The following TRAM2 variants were observed in gnomAD, a reference collection of about 807,000 sequenced individuals.
TRAM2 encodes translocation associated membrane protein 2.
A neutral mutation model predicts 51.0 loss-of-function variants in TRAM2; 12 were observed. The observed-to-expected ratio is 0.24, with a 90% confidence interval of 0.15 to 0.38. The LOEUF is 0.38. Ranked by LOEUF, TRAM2 falls within the 10% of genes least tolerant of loss-of-function variation. The pLI, the probability that TRAM2 is intolerant of heterozygous loss-of-function variation, is 1.00. For synonymous variants in TRAM2, 175 were observed against 179.4 expected (o/e 0.98, Z 0.20); for missense variants, 361 against 462.0 (o/e 0.78, Z 2.00).
At chr6:52,566,972 T>A (rs1171898593) in intron 1 of TRAM2, among the ~76,000 whole-genome samples, 2 of 152,230 alleles carry the variant, frequency 1.3e-5, no homozygotes, top group Admixed American at 6.5e-5. Context: ...ATCTCCCTTA[T>A]GAGATGGTAA....
At chr6:52,514,731 G>A (rs953699192) in intron 4 of TRAM2, among the ~76,000 whole-genome samples, 4 of 152,224 alleles carry the variant, frequency 2.6e-5, no homozygotes, top group African/African-American at 4.8e-5. Flanking sequence ...CTCCTGAACG[G>A]CGTCTTTGGT....
At position 52,571,057 on chromosome 6, in the gene TRAM2, A is replaced by T. The variant is rs112638824; in HGVS notation, c.120+5739T>A. Among the ~76,000 whole-genome samples the T allele has an allele frequency of 4.0e-5, 6 of 151,868 alleles. No individual in the cohort carries two copies. The South Asian group carries it at 1.2e-3, about 32-fold the overall frequency. On this transcript the variant is annotated intron_variant, in intron 1 of 10. Transcript: ENST00000182527. ...AGGGCTGTTCAGGAACCATGTTAGT[A>T]CTTTTACTGTTTCCCCCCCACCCCT...
chr6:52,576,909 A>G lies in TRAM2; in HGVS notation c.7T>C (p.Phe3Leu). The G allele has an allele frequency of 6.2e-7, 1 of 1,612,094 alleles. No individual in the cohort carries two copies. Among genetic ancestry groups the G allele is most frequent in the Non-Finnish European group, 8.5e-7 (1 of 1,179,182 alleles). Residue 3 changes from phenylalanine to leucine, a missense_variant, in exon 1 of 11, where the codon TTC becomes CTC. Physicochemically the swap from Phe to Leu is conservative, Grantham distance 22 (BLOSUM62 0). Coordinates refer to ENST00000182527, the MANE Select transcript of TRAM2 (RefSeq NM_012288.4). The part of the protein sequence containing the change: MA[F>L]RRRTKSYPLF... ...GGGTAACTTTTCGTCCTCCTGCGGA[A>G]AGCCATGGCAGCGGGCGCGCAGCGG...
chr6:52,550,709 AC>A (rs1482151199), intron 1 of TRAM2, among the ~76,000 whole-genome samples: 2 of 151,776 alleles, frequency 1.3e-5, no homozygotes, highest in Non-Finnish European at 1.5e-5. Flanking sequence ...GCACCACCAC[AC>A]CCGGCTAATT....
At chr6:52,521,538 C>CA (rs1299038017) in intron 2 of TRAM2, among the ~76,000 whole-genome samples, 3 of 149,414 alleles carry the variant, frequency 2.0e-5, no homozygotes, top group Non-Finnish European at 3.0e-5. Flanking sequence ...ACTAAAAATA[C>CA]AAAAAAAAAT....
chr6:52,560,281 T>C (rs2114103320), intron 1 of TRAM2, among the ~76,000 whole-genome samples: 1 of 151,558 alleles, frequency 6.6e-6, no homozygotes, highest in Non-Finnish European at 1.5e-5. Context: ...GAGAAACATA[T>C]AAAGTTGAAA....
chr6:52,509,753 T>C (rs1766420316), intron 4 of TRAM2, among the ~76,000 whole-genome samples, 167 bp from the exon 5 acceptor site: 2 of 152,096 alleles, frequency 1.3e-5, no homozygotes, highest in African/African-American at 4.8e-5. Flanking sequence ...CCCCTGGCGC[T>C]TGGCTGGTTT....
At chr6:52,571,787 C>G (rs1562491408) in intron 1 of TRAM2, among the ~76,000 whole-genome samples, 1 of 152,176 alleles carries the variant, frequency 6.6e-6, no homozygotes, top group Non-Finnish European at 1.5e-5. Context: ...TGAAATACAG[C>G]CAAGATGCTC....
intron 1 of TRAM2, among the ~76,000 whole-genome samples, chr6:52,565,653 T>C (rs1187624279): frequency 6.6e-6 from 1 of 152,228 alleles, no homozygotes; most frequent in Non-Finnish European, 1.5e-5. Flanking sequence ...CAGCACACAA[T>C]GGATCCACCA....
At chr6:52,564,022 C>T (rs1033417258) in intron 1 of TRAM2, among the ~76,000 whole-genome samples, 1 of 151,988 alleles carries the variant, frequency 6.6e-6, no homozygotes, top group Non-Finnish European at 1.5e-5. Flanking sequence ...TACCCGAGAA[C>T]CCAAAAGAGA....
chr6:52,557,981 A>G (rs1767438061), intron 1 of TRAM2, among the ~76,000 whole-genome samples: 1 of 152,184 alleles, frequency 6.6e-6, no homozygotes, highest in African/African-American at 2.4e-5. Flanking sequence ...GCTGAAGGAC[A>G]GTATATTTAG....
rs909163536 is a variant in TRAM2 at position 52,500,914 on chromosome 6, G to A, written c.*2283C>T. 6.6e-6 allele frequency: 1 copy of A among 152,266 alleles called. No homozygotes were observed. Among genetic ancestry groups the A allele is most frequent in the African/African-American group, 2.4e-5 (1 of 41,452 alleles). The allele number at this position is 152,266 out of a possible 1,614,324, so 9.4% of individuals were successfully genotyped here. A position where few individuals can be genotyped will look rare whatever the true frequency, so the allele number is the denominator to read the frequency against. On this transcript the variant is annotated 3_prime_UTR_variant, in exon 11 of 11. Transcript: ENST00000182527. ...CTGAGAGAGGCCTCCTGCATGTGAA[G>A]CCCTGCCAATGACACAGCCTGGAGA...
At chr6:52,521,917 G>A (rs1766684061) in intron 2 of TRAM2, among the ~76,000 whole-genome samples, 1 of 152,220 alleles carries the variant, frequency 6.6e-6, no homozygotes, top group South Asian at 2.1e-4. Context: ...TCTGGCCTAT[G>A]AGGCCAGAGA....
intron 1 of TRAM2, among the ~76,000 whole-genome samples, chr6:52,545,681 G>A (rs1481212848): frequency 6.7e-6 from 1 of 149,604 alleles, no homozygotes; most frequent in Non-Finnish European, 1.5e-5. Context: ...GCAGCTGGAA[G>A]AACCAACCCC....
Position 52,503,007 on chromosome 6 carries a change from G to A in TRAM2, c.*190C>T. 1 of 625,826 alleles carries A rather than the reference G, an allele frequency of 1.6e-6. No homozygotes were observed. Among genetic ancestry groups the A allele is most frequent in the Non-Finnish European group, 2.8e-6 (1 of 352,870 alleles). The allele number at this position is 625,826 out of a possible 1,614,324, so 38.8% of individuals were successfully genotyped here. On this transcript the variant is annotated 3_prime_UTR_variant, in exon 11 of 11. Transcript: ENST00000182527. Reference sequence around the variant, plus strand: ...AAAGATTTTTGGCTTTATTGAGAATGGTTTGTGGAAGAATAAGAGGAAGCC... The same window carrying A: ...AAAGATTTTTGGCTTTATTGAGAATAGTTTGTGGAAGAATAAGAGGAAGCC...
intron 1 of TRAM2, 82 bp downstream of exon 1, chr6:52,576,714 G>A (rs895791549): frequency 2.0e-6 from 3 of 1,528,120 alleles, no homozygotes; most frequent in Non-Finnish European, 2.7e-6. Flanking sequence ...TCAGAGGAGG[G>A]CCCGCTGACC....
intron 1 of TRAM2, among the ~76,000 whole-genome samples, chr6:52,571,076 C>G (rs190741306): frequency 3.3e-5 from 5 of 151,938 alleles, no homozygotes; most frequent in African/African-American, 4.8e-5. Context: ...GTTTCCCCCC[C>G]ACCCCTTTCT....
In TRAM2 at chr6:52,572,649, G is replaced by A. The variant is rs140102721; in HGVS notation, c.120+4147C>T. On this transcript the variant is annotated intron_variant, in intron 1 of 10. Transcript: ENST00000182527. ...TGTATTATGTGTGCCATTTGCACAC[G>A]TCTTTCTATGAACACAATAGAAGCA... 4.6e-3 allele frequency among the ~76,000 whole-genome samples: 696 copies of A among 152,338 alleles called. 3 individuals are homozygous for A. Among genetic ancestry groups the A allele is most frequent in the Non-Finnish European group, 7.3e-3 (495 of 68,036 alleles).
intron 1 of TRAM2, among the ~76,000 whole-genome samples, chr6:52,554,289 T>C (rs1032619849): frequency 6.6e-6 from 1 of 151,970 alleles, no homozygotes. Flanking sequence ...CTTTGGGAAG[T>C]AGAGGCAGAT....
Sources: gnomAD v4.1 joint callset for allele counts (sites outside exome capture counted in the v4.1 genomes callset) on GRCh38, gnomAD v4.1.1 for gene constraint, MANE v1.5 for transcripts, NCBI Gene and HGNC (gene_info 2026-07-23, HGNC 2026-07-21) for gene names.